PRMT8: variants seen among roughly 807,000 people sequenced by gnomAD.
PRMT8 encodes the protein protein arginine methyltransferase 8.
A neutral mutation model predicts 47.1 loss-of-function variants in PRMT8; 7 were observed. The ratio of observed to expected loss-of-function variants is 0.15; its 90% CI spans 0.08 to 0.28. PRMT8 has a LOEUF of 0.28. Ranked by LOEUF, PRMT8 falls within the 10% of genes least tolerant of loss-of-function variation. The probability of loss-of-function intolerance (pLI) is 1.00; values close to 1 mark genes in which losing one functional copy is unlikely to be tolerated. For synonymous variants in PRMT8, 188 were observed against 186.5 expected (o/e 1.01, Z -0.07); for missense variants, 237 against 505.4 (o/e 0.47, Z 5.09).
intron 3 of PRMT8, chr12:3,553,403 C>G: frequency 1.7e-6 from 1 of 582,758 alleles, no homozygotes; most frequent in Non-Finnish European, 3.1e-6. Flanking sequence ...GCACAGAGAT[C>G]AATCCCTCCA....
intron 1 of PRMT8, among the ~76,000 whole-genome samples, chr12:3,526,908 G>A (rs1865956987): frequency 6.6e-6 from 1 of 151,986 alleles, no homozygotes; most frequent in African/African-American, 2.4e-5. Flanking sequence ...ATGGCATATG[G>A]CTGTTTGTAA....
At chr12:3,459,455 G>A (rs954657239) in intron 1 of PRMT8, among the ~76,000 whole-genome samples, 7 of 152,212 alleles carry the variant, frequency 4.6e-5, no homozygotes, top group African/African-American at 1.7e-4. Flanking sequence ...CCAGCCCTGT[G>A]TAGCAAATCC....
At chr12:3,528,284 G>A (rs12299470) in intron 1 of PRMT8, among the ~76,000 whole-genome samples, 19,493 of 151,834 alleles carry the variant, frequency 0.13, 1,498 homozygotes, top group East Asian at 0.27. Flanking sequence ...CTACAATTAC[G>A]TTCATATTAG....
chr12:3,436,083 G>A lies in PRMT8; in HGVS notation c.48+54641G>A, dbSNP rs150821476. Among the ~76,000 whole-genome samples the A allele has an allele frequency of 6.6e-6, 1 of 152,174 alleles. No homozygotes were observed. Among genetic ancestry groups the A allele is most frequent in the Non-Finnish European group, 1.5e-5 (1 of 68,002 alleles). ...ACACCTGTGGTGAGGTTGGGCAAAG[G>A]CTTGGCTCTGGTTGCCCTGTGACTT... On this transcript the variant is annotated intron_variant, in intron 1 of 9. Transcript: ENST00000452611. The surrounding 1 kb of genome is among the most constrained non-coding windows in gnomAD (Gnocchi z 4.2).
At chr12:3,426,668 TA>T (rs545337763) in intron 1 of PRMT8, among the ~76,000 whole-genome samples, 99 of 152,348 alleles carry the variant, frequency 6.5e-4, no homozygotes, top group African/African-American at 2.4e-3. Flanking sequence ...TGTTAATAAC[TA>T]GATGGTCAGC....
Position 3,429,228 on chromosome 12 carries a change from T to C in PRMT8, c.48+47786T>C, listed in dbSNP as rs554903419. Among the ~76,000 whole-genome samples, 3 of 152,332 alleles carry C rather than the reference T, an allele frequency of 2.0e-5. No individual in the cohort carries two copies. In the East Asian group the frequency reaches 5.8e-4, roughly 29 times the overall value. ...GGGTGCCCTGGCTTACAGGTTACCT[T>C]GTGCCATACCTTTGAAACAAGGGAC... On this transcript the variant is annotated intron_variant, in intron 1 of 9. Coordinates refer to the PRMT8 transcript ENST00000452611.
intron 1 of PRMT8, among the ~76,000 whole-genome samples, chr12:3,445,515 G>A (rs368715039): frequency 3.9e-4 from 59 of 152,170 alleles, no homozygotes; most frequent in African/African-American, 1.3e-3. Context: ...TCCTCAAACA[G>A]CAATCGTTAC....
chr12:3,450,646 A>G (rs1864906458), intron 1 of PRMT8, among the ~76,000 whole-genome samples: 1 of 152,232 alleles, frequency 6.6e-6, no homozygotes, highest in Non-Finnish European at 1.5e-5. Context: ...ATAATGTTCC[A>G]TGTAAAAAGT....
At chr12:3,485,110 C>T (rs951133306) in intron 1 of PRMT8, among the ~76,000 whole-genome samples, 2 of 152,094 alleles carry the variant, frequency 1.3e-5, no homozygotes, top group African/African-American at 4.8e-5. Flanking sequence ...TTAAGTTTTT[C>T]GGATCACAGT....
intron 1 of PRMT8, among the ~76,000 whole-genome samples, chr12:3,389,326 GA>G (rs1295581454): frequency 6.6e-6 from 1 of 152,182 alleles, no homozygotes; most frequent in Non-Finnish European, 1.5e-5. Context: ...TGGAACGACA[GA>G]TTCCATGCTT....
chr12:3,395,989 T>A (rs1864244803), intron 1 of PRMT8, among the ~76,000 whole-genome samples: 1 of 151,528 alleles, frequency 6.6e-6, no homozygotes, highest in African/African-American at 2.4e-5. Context: ...TCTCTTTTGA[T>A]CTTTGTTGGT....
chr12:3,407,834 CT>C (rs1351770291), intron 1 of PRMT8, among the ~76,000 whole-genome samples: 1 of 151,888 alleles, frequency 6.6e-6, no homozygotes, highest in Non-Finnish European at 1.5e-5. Context: ...TTCCCTCTGA[CT>C]GGGTAATTTC....
intron 1 of PRMT8, among the ~76,000 whole-genome samples, chr12:3,523,648 C>A (rs1041450844): frequency 6.6e-6 from 1 of 152,208 alleles, no homozygotes; most frequent in Non-Finnish European, 1.5e-5. Flanking sequence ...GCGACTGTTA[C>A]GCATGGTCTG....
intron 2 of PRMT8, among the ~76,000 whole-genome samples, chr12:3,543,575 A>C (rs1177163556): frequency 6.6e-6 from 1 of 152,194 alleles, no homozygotes; most frequent in Non-Finnish European, 1.5e-5. Flanking sequence ...GTGTTGAGGA[A>C]ACGTGGTGCG....
At chr12:3,462,784 A>G (rs1364861473) in intron 1 of PRMT8, 2 of 152,054 alleles carry the variant, frequency 1.3e-5, no homozygotes, top group African/African-American at 4.8e-5. Context: ...ACCAACATTT[A>G]AAAGCACTGT....
chr12:3,545,635 A>G (rs1454407735), intron 2 of PRMT8, among the ~76,000 whole-genome samples: 1 of 152,196 alleles, frequency 6.6e-6, no homozygotes, highest in East Asian at 1.9e-4. Context: ...AGAAGTTGGG[A>G]AATGTAGCAC....
rs1345025722 is a variant in PRMT8 at position 3,535,667 on chromosome 12, G to A, written c.76-4939G>A. Among the ~76,000 whole-genome samples, 1 of 152,216 alleles carries A rather than the reference G, an allele frequency of 6.6e-6. No homozygotes were observed. The highest frequency in any genetic ancestry group is 1.5e-5 in the Non-Finnish European group (1 of 68,042). ...AGAGCAGGCAGGGCCAGACCTCCAG[G>A]GTGATGTGGGCACAGGAACCCTGGA... On this transcript the variant is annotated intron_variant, in intron 1 of 9. Coordinates refer to ENST00000382622, the MANE Select transcript of PRMT8 (RefSeq NM_019854.5). The surrounding 1 kb of genome is among the most constrained non-coding windows in gnomAD (Gnocchi z 4.7).
Position 3,581,402 on chromosome 12 carries a change from A to G in PRMT8, c.829-1656A>G, listed in dbSNP as rs562057268. ...ATTAGTTTTGAAGAAGGACCTAATG[A>G]CTGGAGATGCCAGGACGTGGACTGA... is the stretch of plus-strand genomic sequence containing the variant. On this transcript the variant is annotated intron_variant, in intron 7 of 9. Coordinates refer to ENST00000382622, the MANE Select transcript of PRMT8 (RefSeq NM_019854.5). 1.1e-4 allele frequency among the ~76,000 whole-genome samples: 16 copies of G among 152,190 alleles called. No homozygotes were observed. The South Asian group carries it at 3.3e-3, about 32-fold the overall frequency.
At chr12:3,568,671 C>T in intron 4 of PRMT8, 35 bp from the exon 5 acceptor site, 2 of 1,613,514 alleles carry the variant, frequency 1.2e-6, no homozygotes, top group South Asian at 1.1e-5. Context: ...GGTGGGGTCC[C>T]TGCAAAGTAT....
Sources: allele counts gnomAD v4.1 joint callset (sites outside exome capture counted in the v4.1 genomes callset), GRCh38; gene constraint gnomAD v4.1.1; non-coding constraint Gnocchi (gnomAD v3.1); transcripts MANE v1.5; gene names NCBI Gene and HGNC (gene_info 2026-07-23, HGNC 2026-07-21).